The following MGAT4C variants were observed in gnomAD, a reference collection of about 807,000 sequenced individuals.
The protein encoded by MGAT4C is MGAT4 family member C.
MGAT4C carries 19 observed loss-of-function variants against 40.1 expected under a neutral mutation model. That is an observed-to-expected ratio of 0.47 (90% confidence interval 0.33 to 0.70). The LOEUF is 0.70. MGAT4C is among the 30% of genes least tolerant of loss of function. The pLI, the probability that MGAT4C is intolerant of heterozygous loss-of-function variation, is 0.02. For missense variants in MGAT4C, 491 were observed against 563.2 expected (o/e 0.87, Z 1.30); for synonymous variants, 181 against 187.1 (o/e 0.97, Z 0.27).
At chr12:86,222,049 A>G (rs1950901107) in intron 1 of MGAT4C, among the ~76,000 whole-genome samples, 2 of 152,210 alleles carry the variant, frequency 1.3e-5, no homozygotes, top group African/African-American at 4.8e-5. Flanking sequence ...AATCAGAAAT[A>G]GACATTTTCA....
chr12:86,624,943 GT>G (rs1274328419), intron 2 of MGAT4C, among the ~76,000 whole-genome samples: 2 of 152,030 alleles, frequency 1.3e-5, no homozygotes, highest in East Asian at 3.9e-4. Context: ...ATCTCAAATT[GT>G]AATCCTGATA....
intron 3 of MGAT4C, among the ~76,000 whole-genome samples, chr12:86,340,204 T>C (rs1009816217): frequency 6.6e-6 from 1 of 152,300 alleles, no homozygotes; most frequent in East Asian, 1.9e-4. Context: ...TTAAAGAACA[T>C]AACATAATTT....
intron 2 of MGAT4C, among the ~76,000 whole-genome samples, chr12:86,665,152 G>C (rs1056706949): frequency 1.3e-5 from 2 of 151,622 alleles, no homozygotes; most frequent in Non-Finnish European, 2.9e-5. Flanking sequence ...TAACACTCAA[G>C]CAGCGAAGTT....
chr12:86,504,366 T>G (rs1429659583), intron 2 of MGAT4C, among the ~76,000 whole-genome samples: 3 of 152,124 alleles, frequency 2.0e-5, no homozygotes, highest in Admixed American at 2.0e-4. Context: ...TTATCCATAG[T>G]AATGAAAAAC....
intron 2 of MGAT4C, among the ~76,000 whole-genome samples, chr12:86,719,294 G>A (rs1314607140): frequency 6.6e-6 from 1 of 152,140 alleles, no homozygotes; most frequent in Non-Finnish European, 1.5e-5. Flanking sequence ...TTATCTAAAT[G>A]AGATCCATGC....
intron 2 of MGAT4C, among the ~76,000 whole-genome samples, chr12:86,646,335 A>G (rs1021007148): frequency 6.6e-6 from 1 of 151,894 alleles, no homozygotes; most frequent in Non-Finnish European, 1.5e-5. Flanking sequence ...AATTTATTCA[A>G]TAAATATTCA....
At chr12:86,632,684 G>A (rs1466102395) in intron 2 of MGAT4C, among the ~76,000 whole-genome samples, 15 of 150,354 alleles carry the variant, frequency 1.0e-4, no homozygotes, top group African/African-American at 2.9e-4. Context: ...GCAGTTTCTC[G>A]CTCATAGGTG....
intron 1 of MGAT4C, among the ~76,000 whole-genome samples, chr12:86,225,159 A>G (rs1689357): frequency 0.68 from 103,349 of 151,850 alleles, 35,435 homozygotes; most frequent in South Asian, 0.76. Context: ...AGTATTAGGA[A>G]CAACTGTTAT....
chr12:86,124,812 C>T (rs1353225126), intron 1 of MGAT4C, among the ~76,000 whole-genome samples: 2 of 151,982 alleles, frequency 1.3e-5, no homozygotes, highest in Non-Finnish European at 2.9e-5. Flanking sequence ...TATAATTTTA[C>T]CAAGCATGGA....
intron 1 of MGAT4C, among the ~76,000 whole-genome samples, chr12:86,735,463 G>A (rs1231021517): frequency 6.6e-6 from 1 of 151,860 alleles, no homozygotes; most frequent in Non-Finnish European, 1.5e-5. Flanking sequence ...GATGGTTAAA[G>A]CTTAGCAGAA....
intron 4 of MGAT4C, among the ~76,000 whole-genome samples, chr12:86,321,757 A>G (rs936881743): frequency 5.9e-5 from 9 of 152,114 alleles, no homozygotes; most frequent in African/African-American, 2.2e-4. Flanking sequence ...AAATAGGAAC[A>G]CTTTTACACT....
chr12:86,537,387 G>T (rs112582613), intron 2 of MGAT4C, among the ~76,000 whole-genome samples: 4,029 of 151,472 alleles, frequency 0.027, 88 homozygotes, highest in Admixed American at 0.043. Flanking sequence ...AAAAACAACA[G>T]TTAAGGCTTT....
intron 3 of MGAT4C, among the ~76,000 whole-genome samples, chr12:86,361,484 A>G (rs921218912): frequency 1.1e-4 from 17 of 152,308 alleles, no homozygotes; most frequent in African/African-American, 3.8e-4. Context: ...AAATTGACAA[A>G]TGGGATCTAA....
intron 4 of MGAT4C, among the ~76,000 whole-genome samples, chr12:86,309,460 T>C (rs1318889957): frequency 6.6e-6 from 1 of 152,178 alleles, no homozygotes; most frequent in Non-Finnish European, 1.5e-5. Flanking sequence ...CATCATAACA[T>C]AGTGGAGGGA....
At chr12:86,674,191 A>T (rs2136568199) in intron 2 of MGAT4C, among the ~76,000 whole-genome samples, 1 of 152,264 alleles carries the variant, frequency 6.6e-6, no homozygotes, top group East Asian at 1.9e-4. Flanking sequence ...TAACTTTTTA[A>T]TTTTTCACTT....
At chr12:86,666,306 A>G (rs1354268025) in intron 2 of MGAT4C, among the ~76,000 whole-genome samples, 1 of 152,156 alleles carries the variant, frequency 6.6e-6, no homozygotes, top group African/African-American at 2.4e-5. Context: ...ATTGTCATTT[A>G]AGCCTCATAA....
chr12:86,083,461 G>A (rs1325493068), intron 1 of MGAT4C, among the ~76,000 whole-genome samples: 1 of 151,984 alleles, frequency 6.6e-6, no homozygotes, highest in African/African-American at 2.4e-5. Context: ...TGTATGATCT[G>A]TCTGCCCCTC....
intron 2 of MGAT4C, among the ~76,000 whole-genome samples, chr12:86,649,894 A>C (rs1259783655): frequency 6.6e-6 from 1 of 151,918 alleles, no homozygotes. Flanking sequence ...AGAACATTTA[A>C]AACATTTGAA....
chr12:86,774,286 T>G (rs1951694810), intron 1 of MGAT4C, among the ~76,000 whole-genome samples: 2 of 19,830 alleles, frequency 1.0e-4, no homozygotes, highest in Non-Finnish European at 3.1e-4. Flanking sequence ...GCTTGCTCTT[T>G]CTTTCTTTCT....
Sources: allele counts gnomAD v4.1 joint callset (sites outside exome capture counted in the v4.1 genomes callset), GRCh38; gene constraint gnomAD v4.1.1; transcripts MANE v1.5; gene names NCBI Gene and HGNC (gene_info 2026-07-23, HGNC 2026-07-21).